The following PTGER3 variants were observed in gnomAD, a reference collection of about 807,000 sequenced individuals.
PTGER3 encodes prostaglandin E2 receptor EP3 subtype.
Under a neutral mutation model 34.7 loss-of-function variants are expected in PTGER3, and 22 were observed. The observed-to-expected ratio is 0.63, with a 90% CI of 0.45 to 0.91. The LOEUF (loss-of-function observed/expected upper bound fraction) is 0.91. Ranked by LOEUF, PTGER3 falls within the 40% of genes least tolerant of loss-of-function variation. The pLI is 0.00. For synonymous variants in PTGER3, 241 were observed against 230.1 expected (o/e 1.05, Z -0.43); for missense variants, 468 against 519.4 (o/e 0.90, Z 0.96).
intron 4 of PTGER3, among the ~76,000 whole-genome samples, chr1:70,933,657 C>CTG: frequency 6.6e-6 from 1 of 152,074 alleles, no homozygotes; most frequent in South Asian, 2.1e-4. Flanking sequence ...AGCAGAAGAC[C>CTG]CTTTTCTTTG....
chr1:70,899,965 T>C (rs1646801951), intron 4 of PTGER3, among the ~76,000 whole-genome samples: 2 of 152,240 alleles, frequency 1.3e-5, no homozygotes, highest in African/African-American at 4.8e-5. Context: ...GAATTTTGAA[T>C]ATGTCAGAAG....
chr1:70,954,951 A>G lies in PTGER3; in HGVS notation c.1078-1162T>C, dbSNP rs574862565. The stretch of plus-strand genomic sequence containing the variant: ...ATACCCACAGTTTCAGAGAATTTTA[A>G]TCTCTACCTATATGAAAAAAGAGAG... On this transcript the variant is annotated intron_variant, in intron 2 of 3. Transcript: ENST00000356595. Among the ~76,000 whole-genome samples, 42 of 152,300 alleles carry G rather than the reference A, an allele frequency of 2.8e-4. 1 individual carries two copies. Among genetic ancestry groups the G allele is most frequent in the African/African-American group, 9.4e-4 (39 of 41,562 alleles).
intron 1 of PTGER3, among the ~76,000 whole-genome samples, chr1:71,020,695 A>G (rs1658326456): frequency 8.2e-6 from 1 of 121,750 alleles, no homozygotes; most frequent in Non-Finnish European, 1.6e-5. Flanking sequence ...GTATGTTAGC[A>G]GAGTGTGTGT....
chr1:70,916,169 C>T (rs1647171894), intron 4 of PTGER3, among the ~76,000 whole-genome samples: 1 of 151,872 alleles, frequency 6.6e-6, no homozygotes, highest in Non-Finnish European at 1.5e-5. Context: ...AAATGCAAAT[C>T]AAAACCACAA....
Position 71,047,305 on chromosome 1 carries a change from G to A in PTGER3, c.273C>T (p.Cys91=). The change falls in exon 1 of 4, where the codon TGC becomes TGT. Residue 91 remains cysteine, a synonymous_variant. Coordinates refer to ENST00000306666, the MANE Select transcript of PTGER3 (RefSeq NM_198719.2). The stretch of plus-strand genomic sequence containing the variant: ...GGTCGGTGAGCGCCAGCCAGCCGAT[G>A]CACAGCAGGAAGGACTTCTTGCGCT... ...ESKRKKSFLL[C]IGWLALTDLV... is the part of the protein sequence containing the mutation. 1 of 1,604,630 alleles carries A rather than the reference G, an allele frequency of 6.2e-7. No individual in the cohort carries two copies. Among genetic ancestry groups the A allele is most frequent in the Non-Finnish European group, 8.5e-7 (1 of 1,176,248 alleles).
At chr1:70,877,268 G>A (rs1646292196) in intron 4 of PTGER3, among the ~76,000 whole-genome samples, 2 of 152,230 alleles carry the variant, frequency 1.3e-5, no homozygotes, top group East Asian at 1.9e-4. Context: ...CATTGTTGGT[G>A]TATAGAAATG....
At position 70,935,672 on chromosome 1, in the gene PTGER3, A is replaced by ATATATATATATATATAT. The variant is rs59431299; in HGVS notation, c.*23+18090_*23+18091insATATATATATATATATA. 9.6e-4 allele frequency among the ~76,000 whole-genome samples: 135 copies of ATATATATATATATATAT among 140,180 alleles called. 1 individual carries two copies. The highest frequency in any genetic ancestry group is 3.1e-3 in the African/African-American group (111 of 36,392). 92.0% of individuals were successfully genotyped at this position (140,180 alleles called of 152,430 possible). On this transcript the variant is annotated intron_variant, in intron 4 of 4. Transcript: ENST00000370931. Reference sequence around the variant, plus strand: ...TGTTGGTACTAAGGATACAAATATAAATATATATATATATATATATATGTT... The same window carrying ATATATATATATATATAT: ...TGTTGGTACTAAGGATACAAATATAATATATATATATATATATATATATATATATATATATATATGTT...
At chr1:71,011,023 G>C in intron 2 of PTGER3, 1 of 985,700 alleles carries the variant, frequency 1.0e-6, no homozygotes, top group Non-Finnish European at 1.2e-6. Flanking sequence ...CAAAATGAAT[G>C]CACCAAAGAA....
chr1:71,010,788 G>C (rs962516868), intron 2 of PTGER3: 4 of 984,974 alleles, frequency 4.1e-6, no homozygotes, highest in African/African-American at 3.5e-5. Flanking sequence ...AATTCAATTT[G>C]ACATGGTCAT....
At chr1:70,854,934 A>G (rs1225520197) in intron 4 of PTGER3, among the ~76,000 whole-genome samples, 3 of 152,200 alleles carry the variant, frequency 2.0e-5, no homozygotes, top group Non-Finnish European at 2.9e-5. Context: ...AGGAAACTAA[A>G]AATGCGATTA....
At chr1:71,008,110 T>G (rs1657125065) in intron 2 of PTGER3, 1 of 980,614 alleles carries the variant, frequency 1.0e-6, no homozygotes, top group African/African-American at 1.7e-5. Context: ...GAATTATGTC[T>G]GTTACTTTCT....
intron 4 of PTGER3, among the ~76,000 whole-genome samples, chr1:70,932,395 T>C (rs2100503552): frequency 6.6e-6 from 1 of 152,282 alleles, no homozygotes; most frequent in South Asian, 2.1e-4. Context: ...TTTTCAGCAA[T>C]ACCACACTCT....
intron 1 of PTGER3, among the ~76,000 whole-genome samples, chr1:71,031,245 AACACACACACACACACACACAC>A (rs56278148): frequency 2.1e-4 from 31 of 149,278 alleles, no homozygotes; most frequent in Non-Finnish European, 2.7e-4. Context: ...GTGGCAGGAA[AACACACACACACACACACACAC>A]ACACACACAC....
chr1:70,858,797 G>A (rs1228793708), intron 4 of PTGER3, among the ~76,000 whole-genome samples: 1 of 151,982 alleles, frequency 6.6e-6, no homozygotes, highest in Non-Finnish European at 1.5e-5. Flanking sequence ...GTAAAATAGA[G>A]GTAATATCTG....
chr1:71,035,521 C>T (rs935721391), intron 1 of PTGER3, among the ~76,000 whole-genome samples: 2 of 152,212 alleles, frequency 1.3e-5, no homozygotes, highest in Admixed American at 6.5e-5. Context: ...GAAGGCTTTT[C>T]TTTATATTAA....
intron 4 of PTGER3, among the ~76,000 whole-genome samples, chr1:70,917,403 T>TTGTGTGTGTGTG (rs59163586): frequency 0.045 from 6,166 of 136,212 alleles, 208 homozygotes; most frequent in Non-Finnish European, 0.065. Context: ...GTATTTTATT[T>TTGTGTGTGTGTG]TGTGTGTGTG....
At chr1:70,973,679 C>T (rs1653380870) in intron 3 of PTGER3, among the ~76,000 whole-genome samples, 1 of 152,144 alleles carries the variant, frequency 6.6e-6, no homozygotes, top group Non-Finnish European at 1.5e-5. Context: ...AACCTTTTCA[C>T]AGTCCTTCTT....
At chr1:71,010,320 TC>T (rs1657330002) in intron 2 of PTGER3, 3 of 984,682 alleles carry the variant, frequency 3.0e-6, no homozygotes, top group Non-Finnish European at 3.6e-6. Context: ...CAGAAATAAT[TC>T]ACTTTATCAG....
intron 4 of PTGER3, among the ~76,000 whole-genome samples, chr1:70,877,510 G>A (rs1646297834): frequency 1.3e-5 from 2 of 152,108 alleles, no homozygotes; most frequent in Non-Finnish European, 2.9e-5. Flanking sequence ...GGTGGTGAGA[G>A]TAGATATCTT....
Sources: allele counts gnomAD v4.1 joint callset (sites outside exome capture counted in the v4.1 genomes callset), GRCh38; gene constraint gnomAD v4.1.1; transcripts MANE v1.5; gene names NCBI Gene and HGNC (gene_info 2026-07-23, HGNC 2026-07-21).